Variants in GPR149 observed in about 807,000 individuals in gnomAD.
The protein encoded by GPR149 is probable G protein-coupled receptor 149.
Under a neutral mutation model 50.2 loss-of-function variants are expected in GPR149, and 50 were observed. The ratio of observed to expected loss-of-function variants is 1.00; its 90% CI spans 0.79 to 1.26. The LOEUF (loss-of-function observed/expected upper bound fraction) is 1.26. Among genes scored for constraint, GPR149 ranks in the 50% most tolerant of loss-of-function variants. GPR149 has a pLI of 0.00. For synonymous variants in GPR149, 405 were observed against 358.2 expected (o/e 1.13, Z -1.48); for missense variants, 983 against 895.4 (o/e 1.10, Z -1.25).
intron 3 of GPR149, among the ~76,000 whole-genome samples, chr3:154,399,683 T>C (rs993097786): frequency 2.0e-5 from 3 of 152,192 alleles, no homozygotes; most frequent in African/African-American, 7.2e-5. Context: ...CATTTAGTCA[T>C]TTAAAACTGT....
intron 3 of GPR149, among the ~76,000 whole-genome samples, chr3:154,406,188 G>C (rs1711681248): frequency 1.3e-5 from 2 of 152,050 alleles, no homozygotes; most frequent in South Asian, 4.2e-4. Flanking sequence ...CTCACAATTA[G>C]ATAAGTATAA....
At chr3:154,405,825 A>T (rs2108420703) in intron 3 of GPR149, among the ~76,000 whole-genome samples, 1 of 152,050 alleles carries the variant, frequency 6.6e-6, no homozygotes, top group Admixed American at 6.5e-5. Context: ...AAGCCATACA[A>T]GTACTTAGAA....
Position 154,429,196 on chromosome 3 carries a change from G to A in GPR149, c.420C>T (p.Ser140=), listed in dbSNP as rs767894778. 1 of 1,614,098 alleles carries A rather than the reference G, an allele frequency of 6.2e-7. No homozygotes were observed. The highest frequency in any genetic ancestry group is 8.5e-7 in the Non-Finnish European group (1 of 1,180,014). ...NFYTMHRGVG[S]QTASRRSGQV... is the part of the protein sequence containing the mutation. ...GGCCCGATCTTCTGGAGGCTGTCTGGCTCCCCACACCTCTGTGCATCGTAT... is the reference window on the plus strand; with the variant it reads ...GGCCCGATCTTCTGGAGGCTGTCTGACTCCCCACACCTCTGTGCATCGTAT... Residue 140 remains serine, a synonymous_variant, in exon 1 of 4, where the codon AGC becomes AGT. Transcript: ENST00000389740.
chr3:154,417,596 C>T (rs116092399), intron 3 of GPR149, among the ~76,000 whole-genome samples: 3 of 152,054 alleles, frequency 2.0e-5, no homozygotes, highest in Non-Finnish European at 4.4e-5. Flanking sequence ...ATAAATTGAG[C>T]CTAAGTGTTT....
chr3:154,364,358 C>T (rs750341711), intron 3 of GPR149, among the ~76,000 whole-genome samples: 4 of 152,136 alleles, frequency 2.6e-5, no homozygotes, highest in Non-Finnish European at 5.9e-5. Flanking sequence ...TTCTCACATA[C>T]GAAATACATC....
intron 3 of GPR149, among the ~76,000 whole-genome samples, chr3:154,365,251 C>G (rs1485565034): frequency 6.6e-6 from 1 of 152,140 alleles, no homozygotes; most frequent in Non-Finnish European, 1.5e-5. Context: ...TGAGGTGACC[C>G]TGGGCAGCAA....
chr3:154,393,081 A>G (rs563352720), intron 3 of GPR149, among the ~76,000 whole-genome samples: 2 of 152,170 alleles, frequency 1.3e-5, no homozygotes, highest in East Asian at 3.9e-4. Context: ...ATCTGATTTT[A>G]TGAGGCCAGT....
At chr3:154,420,612 T>C (rs1576930680) in intron 3 of GPR149, among the ~76,000 whole-genome samples, 1 of 151,982 alleles carries the variant, frequency 6.6e-6, no homozygotes, top group African/African-American at 2.4e-5. Context: ...CACTTCTCAC[T>C]GCTAGTTGTA....
chr3:154,399,981 A>G (rs1297676154), intron 3 of GPR149, among the ~76,000 whole-genome samples: 1 of 151,762 alleles, frequency 6.6e-6, no homozygotes, highest in Admixed American at 6.6e-5. Flanking sequence ...TTGTATTTGA[A>G]ATTATTATTA....
At chr3:154,420,993 T>G (rs766807908) in intron 3 of GPR149, 46 bp downstream of exon 3, 1 of 1,344,406 alleles carries the variant, frequency 7.4e-7, no homozygotes, top group African/African-American at 1.5e-5. Flanking sequence ...GACTATCATA[T>G]TTAGTATCAC....
At chr3:154,410,063 T>A (rs1252165455) in intron 3 of GPR149, among the ~76,000 whole-genome samples, 1 of 152,180 alleles carries the variant, frequency 6.6e-6, no homozygotes, top group Non-Finnish European at 1.5e-5. Context: ...TAGAAGGGAT[T>A]GGGGTCCTAC....
chr3:154,397,997 G>GTAATATCTACGT (rs1553765783), intron 3 of GPR149, among the ~76,000 whole-genome samples: 4 of 151,506 alleles, frequency 2.6e-5, no homozygotes, highest in African/African-American at 9.7e-5. Context: ...ACAATACAAA[G>GTAATATCTACGT]TAATATCTAT....
intron 3 of GPR149, chr3:154,352,816 C>A (rs1478184969): frequency 3.4e-6 from 3 of 886,264 alleles, no homozygotes; most frequent in Admixed American, 3.4e-5. Flanking sequence ...AAAAGTAATT[C>A]TTGCTTTTTG....
chr3:154,401,662 A>G (rs1231846060), intron 3 of GPR149, among the ~76,000 whole-genome samples: 1 of 152,096 alleles, frequency 6.6e-6, no homozygotes, highest in Non-Finnish European at 1.5e-5. Flanking sequence ...GGGGGGAAAA[A>G]CAGGAAAAAA....
chr3:154,370,010 A>C (rs1413084606), intron 3 of GPR149, among the ~76,000 whole-genome samples: 2 of 152,180 alleles, frequency 1.3e-5, no homozygotes, highest in Non-Finnish European at 2.9e-5. Context: ...AGCCGCAGGC[A>C]TTTGCTAACT....
chr3:154,380,541 T>A (rs1160071068), intron 3 of GPR149, among the ~76,000 whole-genome samples: 1 of 152,196 alleles, frequency 6.6e-6, no homozygotes, highest in African/African-American at 2.4e-5. Context: ...AAATTATTTA[T>A]GTGGATCTTT....
intron 3 of GPR149, among the ~76,000 whole-genome samples, chr3:154,386,414 T>C (rs1412225581): frequency 6.6e-6 from 1 of 152,242 alleles, no homozygotes; most frequent in Non-Finnish European, 1.5e-5. Flanking sequence ...ATACCTGATG[T>C]CAAGGGCATA....
At chr3:154,417,619 A>G (rs1321851942) in intron 3 of GPR149, among the ~76,000 whole-genome samples, 2 of 152,110 alleles carry the variant, frequency 1.3e-5, no homozygotes, top group African/African-American at 2.4e-5. Context: ...AAGTACAACC[A>G]TAAAACAATC....
At chr3:154,401,063 CT>C (rs1711543160) in intron 3 of GPR149, among the ~76,000 whole-genome samples, 1 of 152,186 alleles carries the variant, frequency 6.6e-6, no homozygotes, top group Non-Finnish European at 1.5e-5. Context: ...GAGAAGAAAG[CT>C]GTTTCAAATT....
Sources: gnomAD v4.1 joint callset for allele counts (sites outside exome capture counted in the v4.1 genomes callset) on GRCh38, gnomAD v4.1.1 for gene constraint, MANE v1.5 for transcripts, NCBI Gene and HGNC (gene_info 2026-07-23, HGNC 2026-07-21) for gene names.